The following FOCAD variants were observed in gnomAD, a reference collection of about 807,000 sequenced individuals.
The protein encoded by FOCAD is focadhesin.
FOCAD carries 198 observed loss-of-function variants against 225.6 expected under a neutral mutation model. The ratio of observed to expected loss-of-function variants is 0.88; its 90% confidence interval spans 0.78 to 0.99. The LOEUF is 0.99. FOCAD is among the 50% of genes least tolerant of loss of function. FOCAD has a pLI of 0.00. For missense variants in FOCAD, 2,713 were observed against 2,123.6 expected (o/e 1.28, Z -5.46); for synonymous variants, 897 against 755.0 (o/e 1.19, Z -3.08).
intron 1 of FOCAD, among the ~76,000 whole-genome samples, chr9:20,708,402 G>T (rs1006114836): frequency 2.0e-5 from 3 of 152,120 alleles, no homozygotes; most frequent in Non-Finnish European, 4.4e-5. Context: ...TAATGTGAAT[G>T]AAGTACTTAT....
At chr9:20,926,798 G>A (rs1378497211) in intron 26 of FOCAD, among the ~76,000 whole-genome samples, 13 of 144,698 alleles carry the variant, frequency 9.0e-5, no homozygotes, top group South Asian at 2.1e-4. Context: ...AAAAAAAAAA[G>A]AAAAAGAAAA....
At chr9:20,898,303 A>T (rs1156350450) in intron 21 of FOCAD, among the ~76,000 whole-genome samples, 1 of 151,502 alleles carries the variant, frequency 6.6e-6, no homozygotes, top group African/African-American at 2.4e-5. Context: ...TCTCAAGATG[A>T]TTTCAAACAT....
At chr9:20,966,072 G>T (rs1046185626) in intron 35 of FOCAD, among the ~76,000 whole-genome samples, 12 of 152,208 alleles carry the variant, frequency 7.9e-5, no homozygotes, top group East Asian at 3.9e-4. Flanking sequence ...TTGCTGGGTT[G>T]TATGGTAATT....
chr9:20,700,336 A>G (rs1008056587), intron 1 of FOCAD, among the ~76,000 whole-genome samples: 1 of 152,098 alleles, frequency 6.6e-6, no homozygotes, highest in East Asian at 1.9e-4. Flanking sequence ...TTCCATCTCT[A>G]TTAGATTCAG....
intron 42 of FOCAD, among the ~76,000 whole-genome samples, chr9:20,992,380 T>C (rs1187289162): frequency 6.6e-6 from 1 of 152,204 alleles, no homozygotes; most frequent in Non-Finnish European, 1.5e-5. Context: ...CAGAAACATA[T>C]TTTATTTCAG....
intron 39 of FOCAD, among the ~76,000 whole-genome samples, chr9:20,985,016 G>C (rs570873362): frequency 3.9e-5 from 6 of 152,240 alleles, no homozygotes; most frequent in African/African-American, 1.4e-4. Flanking sequence ...GGCCAGGCTG[G>C]TTTTGACCTC....
intron 11 of FOCAD, among the ~76,000 whole-genome samples, chr9:20,794,370 T>G (rs1820845161): frequency 6.6e-6 from 1 of 152,158 alleles, no homozygotes; most frequent in African/African-American, 2.4e-5. Flanking sequence ...GAGATTAGAT[T>G]AGTGATTTGT....
intron 24 of FOCAD, among the ~76,000 whole-genome samples, chr9:20,919,026 T>A (rs1834129406): frequency 6.6e-6 from 1 of 152,098 alleles, no homozygotes; most frequent in Non-Finnish European, 1.5e-5. Flanking sequence ...AGAAGTTAAA[T>A]GCAAAAAGTG....
rs542996128 is a variant in FOCAD at position 20,839,280 on chromosome 9, A to G, written c.1920+16165A>G. On this transcript the variant is annotated intron_variant, in intron 15 of 43. Transcript: ENST00000338382. ...CTTTCTTTTTTTTTTTTTTTTTGAG[A>G]CTAGGTTTACTGCTGTTGCCCAAGC... Among the ~76,000 whole-genome samples, 14 of 133,208 alleles carry G rather than the reference A, an allele frequency of 1.1e-4. No homozygotes were observed. The East Asian group carries it at 2.3e-3, about 22-fold the overall frequency. The allele number at this position is 133,208 out of a possible 152,430, so 87.4% of individuals were successfully genotyped here. A position where few individuals can be genotyped will look rare whatever the true frequency, so the allele number is the denominator to read the frequency against.
intron 34 of FOCAD, among the ~76,000 whole-genome samples, chr9:20,952,175 T>C (rs1431696738): frequency 1.3e-5 from 2 of 152,282 alleles, no homozygotes; most frequent in African/African-American, 2.4e-5. Flanking sequence ...CAGGCTTTTA[T>C]TTTTTTATGT....
intron 2 of FOCAD, among the ~76,000 whole-genome samples, chr9:20,672,138 ACTC>A (rs1822082248): frequency 6.6e-6 from 1 of 151,672 alleles, no homozygotes; most frequent in Non-Finnish European, 1.5e-5. Context: ...AATCAGTAAA[ACTC>A]CTGCAAACTT....
At chr9:20,800,198 A>G (rs375921936) in intron 11 of FOCAD, among the ~76,000 whole-genome samples, 1 of 152,066 alleles carries the variant, frequency 6.6e-6, no homozygotes, top group South Asian at 2.1e-4. Flanking sequence ...TGGCTTGTAG[A>G]GTTTCTGCTG....
At chr9:20,829,033 A>G (rs1587329203) in intron 15 of FOCAD, among the ~76,000 whole-genome samples, 1 of 152,092 alleles carries the variant, frequency 6.6e-6, no homozygotes, top group African/African-American at 2.4e-5. Flanking sequence ...GATCTGGTCT[A>G]TCATTGATGG....
chr9:20,862,181 A>C (rs1218591570), intron 15 of FOCAD, among the ~76,000 whole-genome samples: 1 of 152,096 alleles, frequency 6.6e-6, no homozygotes, highest in Non-Finnish European at 1.5e-5. Flanking sequence ...AAAAACTAAA[A>C]AATGTGGATA....
chr9:20,983,349 G>A (rs955591090), intron 39 of FOCAD, among the ~76,000 whole-genome samples: 1 of 152,084 alleles, frequency 6.6e-6, no homozygotes, highest in Admixed American at 6.5e-5. Flanking sequence ...CGAGGCGGGT[G>A]GATCATGTGG....
chr9:20,869,171 A>G (rs764781824), intron 18 of FOCAD, among the ~76,000 whole-genome samples: 3 of 152,166 alleles, frequency 2.0e-5, no homozygotes, highest in African/African-American at 2.4e-5. Flanking sequence ...TGTAAAAACT[A>G]AGATTCTTCT....
chr9:20,835,839 C>T (rs139555741), intron 15 of FOCAD, among the ~76,000 whole-genome samples: 13 of 152,066 alleles, frequency 8.5e-5, no homozygotes, highest in African/African-American at 3.1e-4. Context: ...TTTCATCTTG[C>T]CCAGCTCCAA....
intron 23 of FOCAD, among the ~76,000 whole-genome samples, chr9:20,914,289 A>G (rs1392844338): frequency 6.6e-6 from 1 of 152,206 alleles, no homozygotes; most frequent in Non-Finnish European, 1.5e-5. Flanking sequence ...GCACAGAGGA[A>G]CAGCAGTGAA....
At chr9:20,893,291 A>G (rs2131921773) in intron 21 of FOCAD, among the ~76,000 whole-genome samples, 1 of 152,052 alleles carries the variant, frequency 6.6e-6, no homozygotes, top group East Asian at 1.9e-4. Flanking sequence ...TAACTTTTAT[A>G]TCCACTGGGA....
Sources: allele counts gnomAD v4.1 joint callset (sites outside exome capture counted in the v4.1 genomes callset), GRCh38; gene constraint gnomAD v4.1.1; transcripts MANE v1.5; gene names NCBI Gene and HGNC (gene_info 2026-07-23, HGNC 2026-07-21).